Variants in GLIS3 observed in about 807,000 individuals in gnomAD.
The protein encoded by GLIS3 is zinc finger protein GLIS3.
GLIS3 carries 53 observed loss-of-function variants against 78.6 expected under a neutral mutation model. That is an observed-to-expected ratio of 0.67 (90% confidence interval 0.54 to 0.85). GLIS3 has a LOEUF of 0.85. Ranked by LOEUF, GLIS3 falls within the 40% of genes least tolerant of loss-of-function variation. The pLI is 0.00. For missense variants in GLIS3, 1,703 were observed against 1,231.1 expected (o/e 1.38, Z -5.74); for synonymous variants, 684 against 509.9 (o/e 1.34, Z -4.60).
intron 4 of GLIS3, among the ~76,000 whole-genome samples, chr9:4,096,831 GCAAAATTCCGT>G (rs1298304707): frequency 6.6e-6 from 1 of 152,086 alleles, no homozygotes; most frequent in African/African-American, 2.4e-5. Flanking sequence ...GGGCAACATG[GCAAAATTCCGT>G]CTCTACTAAA....
intron 2 of GLIS3, among the ~76,000 whole-genome samples, chr9:4,129,118 G>A (rs1429673309): frequency 6.6e-6 from 1 of 152,192 alleles, no homozygotes; most frequent in Non-Finnish European, 1.5e-5. Flanking sequence ...AAGAACCACT[G>A]TGCTCAATAC....
At chr9:4,437,468 CTATA>C in the GLIS3 span, among the ~76,000 whole-genome samples, 2 of 104,906 alleles carry the variant, frequency 1.9e-5, no homozygotes, top group African/African-American at 2.9e-5. Context: ...ATCTATCTAT[CTATA>C]TATCATTTAA....
At chr9:4,345,759 G>C (rs1587397102) in intron 2 of GLIS3, among the ~76,000 whole-genome samples, 2 of 152,148 alleles carry the variant, frequency 1.3e-5, no homozygotes, top group Admixed American at 6.5e-5. Context: ...GAAATATGTA[G>C]GTAACCACAA....
At chr9:4,209,542 C>G (rs1365069707) in intron 2 of GLIS3, among the ~76,000 whole-genome samples, 1 of 152,178 alleles carries the variant, frequency 6.6e-6, no homozygotes, top group African/African-American at 2.4e-5. Flanking sequence ...CTGTGCTATT[C>G]TCATTGTGCC....
chr9:4,322,833 T>G (rs1817554106), intron 2 of GLIS3, among the ~76,000 whole-genome samples: 1 of 152,224 alleles, frequency 6.6e-6, no homozygotes, highest in Non-Finnish European at 1.5e-5. Flanking sequence ...ATGGGTAGAT[T>G]GCAAAAATTT....
intron 2 of GLIS3, among the ~76,000 whole-genome samples, chr9:4,189,749 T>C (rs1440999423): frequency 2.6e-5 from 4 of 152,240 alleles, no homozygotes; most frequent in Non-Finnish European, 4.4e-5. Flanking sequence ...CATTATGTAA[T>C]GGCCTTCTTT....
In GLIS3 at chr9:3,936,650, A is replaced by C. The variant is rs538157605; in HGVS notation, c.1872+378T>G. ...AAGAAAAACAAACAAAAACTGCTTC[A>C]TATTCCTAGCAATAGCACACAGTAC... On this transcript the variant is annotated intron_variant, in intron 5 of 10. Transcript: ENST00000381971. Among the ~76,000 whole-genome samples the C allele has an allele frequency of 2.6e-5, 4 of 152,292 alleles. No individual in the cohort carries two copies. In the South Asian group the frequency reaches 8.3e-4, roughly 32 times the overall value.
At chr9:4,183,038 A>G (rs7025204) in intron 2 of GLIS3, among the ~76,000 whole-genome samples, 2 of 152,294 alleles carry the variant, frequency 1.3e-5, no homozygotes, top group South Asian at 4.1e-4. Context: ...GCTGACACAG[A>G]TAGTGGTGAG....
intron 4 of GLIS3, among the ~76,000 whole-genome samples, chr9:3,978,729 C>T (rs1409815): frequency 0.051 from 7,791 of 151,942 alleles, 452 homozygotes; most frequent in African/African-American, 0.14. Flanking sequence ...TTATTATATT[C>T]GAATAAATTA....
chr9:4,159,437 G>T (rs1835300396), intron 2 of GLIS3, among the ~76,000 whole-genome samples: 1 of 152,278 alleles, frequency 6.6e-6, no homozygotes, highest in East Asian at 1.9e-4. Flanking sequence ...ATAAATCTGT[G>T]GCCAGGCGCA....
intron 2 of GLIS3, among the ~76,000 whole-genome samples, chr9:4,189,592 G>A (rs1201546685): frequency 1.3e-5 from 2 of 152,070 alleles, no homozygotes; most frequent in African/African-American, 4.8e-5. Context: ...TTGACAGTGG[G>A]GTGTTAAAGT....
intron 6 of GLIS3, among the ~76,000 whole-genome samples, chr9:3,926,247 C>T (rs605817): frequency 0.97 from 141,341 of 145,776 alleles, 68,539 homozygotes; most frequent in East Asian, 1. Flanking sequence ...TTTTTTTTTT[C>T]TTTGACGGAG....
rs577025396 is a variant in GLIS3 at position 4,295,939 on chromosome 9, T to TA, written c.-99+3481dup. 4.5e-3 allele frequency among the ~76,000 whole-genome samples: 682 copies of TA among 152,330 alleles called. 6 individuals are homozygous for TA. The highest frequency in any genetic ancestry group is 7.1e-3 in the Non-Finnish European group (483 of 68,028). ...TGAGAATGGCAACAAGTTTTTTTTT[T>TA]ATCACACAGATTTCCTATGTGCCTT... is the stretch of plus-strand genomic sequence containing the variant. On this transcript the variant is annotated intron_variant, in intron 1 of 10. Coordinates refer to ENST00000381971, the MANE Select transcript of GLIS3 (RefSeq NM_001042413.2).
the GLIS3 span, among the ~76,000 whole-genome samples, chr9:4,394,737 G>A: frequency 6.6e-5 from 10 of 152,116 alleles, no homozygotes; most frequent in East Asian, 3.8e-4. Flanking sequence ...TGTTTTTGCC[G>A]AGTACAGACT....
chr9:4,114,085 G>A (rs987033918), intron 4 of GLIS3, among the ~76,000 whole-genome samples: 3 of 152,096 alleles, frequency 2.0e-5, no homozygotes, highest in Non-Finnish European at 2.9e-5. Flanking sequence ...TCAGTCGTAC[G>A]TGAAGGCAAG....
chr9:4,021,934 C>A (rs1008949099), intron 4 of GLIS3, among the ~76,000 whole-genome samples: 10 of 152,180 alleles, frequency 6.6e-5, no homozygotes, highest in Admixed American at 2.6e-4. Context: ...GAGTAGAAAC[C>A]AGACACACAC....
chr9:4,420,735 C>G, the GLIS3 span, among the ~76,000 whole-genome samples: 4 of 152,092 alleles, frequency 2.6e-5, no homozygotes, highest in Non-Finnish European at 5.9e-5. Flanking sequence ...ATACCTGAGA[C>G]TGGGTAAATT....
chr9:4,140,982 T>C (rs1454388907), intron 2 of GLIS3, among the ~76,000 whole-genome samples: 1 of 152,162 alleles, frequency 6.6e-6, no homozygotes, highest in Admixed American at 6.5e-5. Flanking sequence ...GTATTTTTAG[T>C]AGAGACGGGG....
intron 1 of GLIS3, among the ~76,000 whole-genome samples, chr9:4,288,757 A>G (rs1339718919): frequency 2.6e-5 from 4 of 152,062 alleles, no homozygotes; most frequent in African/African-American, 9.7e-5. Flanking sequence ...AACAAAAAGT[A>G]TACTTAAATT....
Sources: allele counts gnomAD v4.1 joint callset (sites outside exome capture counted in the v4.1 genomes callset), GRCh38; gene constraint gnomAD v4.1.1; transcripts MANE v1.5; gene names NCBI Gene and HGNC (gene_info 2026-07-23, HGNC 2026-07-21).